MTRR: variants seen among roughly 807,000 people sequenced by gnomAD.
MTRR encodes methionine synthase reductase.
MTRR carries 63 observed loss-of-function variants against 79.2 expected under a neutral mutation model. The ratio of observed to expected loss-of-function variants is 0.80; its 90% CI spans 0.65 to 0.98. The LOEUF (loss-of-function observed/expected upper bound fraction) is 0.98, where lower values mean the gene tolerates loss of function less well. MTRR is among the 50% of genes least tolerant of loss of function. The probability of loss-of-function intolerance (pLI) is 0.00; values close to 1 mark genes in which losing one functional copy is unlikely to be tolerated. For synonymous variants in MTRR, 355 were observed against 313.3 expected (o/e 1.13, Z -1.41); for missense variants, 895 against 839.6 (o/e 1.07, Z -0.82).
chr5:7,887,958 T>G (rs375482658), intron 8 of MTRR, among the ~76,000 whole-genome samples: 3 of 151,770 alleles, frequency 2.0e-5, no homozygotes, highest in South Asian at 4.2e-4. Context: ...GAGGAAAATA[T>G]GGGTATCCAT....
rs1054673968 is a variant in MTRR at position 7,878,392 on chromosome 5, T to C, written c.780+70T>C. On this transcript the variant is annotated intron_variant, in intron 5 of 14. Coordinates refer to ENST00000440940, the MANE Select transcript of MTRR (RefSeq NM_002454.3). ...ATGTTTGCTTTGGGCTTTTAAATTA[T>C]TATTACATTAGAAGAGAGGTCAACA... The C allele has an allele frequency of 1.1e-5, 18 of 1,579,180 alleles. No homozygotes were observed. In the African/African-American group the frequency reaches 2.2e-4, roughly 19 times the overall value.
In MTRR at chr5:7,873,441, C is replaced by T. The variant is rs776410065; in HGVS notation, c.198C>T (p.Pro66=). ...CTACCACGGGCACCGGAGACCCACC[C>T]GACACAGCCCGCAAGTTTGTTAAGG... ...VVSTTGTGDP[P]DTARKFVKEI... is the part of the protein sequence containing the mutation. The change falls in exon 3 of 15, where the codon CCC becomes CCT. Residue 66 remains proline (P), a synonymous_variant. Transcript: ENST00000440940. The T allele has an allele frequency of 2.5e-5, 41 of 1,614,008 alleles. No individual in the cohort carries two copies. The African/African-American group carries it at 2.8e-4, about 11-fold the overall frequency.
At chr5:7,857,396 C>T (rs1278068581) in intron 1 of MTRR, among the ~76,000 whole-genome samples, 2 of 152,082 alleles carry the variant, frequency 1.3e-5, no homozygotes, top group Non-Finnish European at 2.9e-5. Context: ...ACACCAGCAA[C>T]CTTATATCTC....
intron 1 of MTRR, chr5:7,861,175 G>A (rs1229403169): frequency 5.0e-6 from 8 of 1,610,616 alleles, no homozygotes; most frequent in Middle Eastern, 1.6e-4. Flanking sequence ...CCGAGTAACT[G>A]TAGGTGTCTT....
chr5:7,855,418 T>TG (rs573889527), intron 1 of MTRR, among the ~76,000 whole-genome samples: 549 of 7,706 alleles, frequency 0.071, 5 homozygotes, highest in African/African-American at 0.16. Flanking sequence ...AACATTCCAG[T>TG]GGAAAAAAAA....
rs1417372870 is a variant in MTRR, at chr5:7,885,752, A to C, written c.955A>C (p.Asn319His). ...PGDAFSVICPNSDSEVQSLLQ... is the reference protein window; with the variant it reads ...PGDAFSVICPHSDSEVQSLLQ... The stretch of plus-strand genomic sequence containing the variant: ...AGATGCCTTCAGCGTGATCTGCCCT[A>C]ACAGTGATTCTGAGGTACAAAGCCT... Residue 319 changes from asparagine (N) to histidine (H), a missense_variant, in exon 7 of 15, where the codon AAC (asparagine) becomes CAC (histidine). Transcript: ENST00000440940. The C allele has an allele frequency of 1.1e-5, 17 of 1,613,414 alleles. No individual in the cohort carries two copies. Among genetic ancestry groups the C allele is most frequent in the Non-Finnish European group, 1.4e-5 (16 of 1,179,978 alleles).
At chr5:7,851,092 G>T, upstream of MTRR, 1 of 1,230,650 alleles carries the variant, frequency 8.1e-7, no homozygotes, top group Non-Finnish European at 1.0e-6. Flanking sequence ...GTCGGAGTCT[G>T]CAGGCCTCAG....
chr5:7,881,479 C>T (rs1735588419), intron 5 of MTRR, among the ~76,000 whole-genome samples: 1 of 152,060 alleles, frequency 6.6e-6, no homozygotes, highest in South Asian at 2.1e-4. Flanking sequence ...GCCACATCTG[C>T]AGGCTCAAAG....
At chr5:7,889,399 T>C in intron 9 of MTRR, 124 bp downstream of exon 9, 1 of 993,272 alleles carries the variant, frequency 1.0e-6, no homozygotes. Flanking sequence ...CTAAAGAATA[T>C]ATCTAAATGA....
At chr5:7,868,797 G>A (rs937965184), upstream of MTRR, among the ~76,000 whole-genome samples, 1 of 152,248 alleles carries the variant, frequency 6.6e-6, no homozygotes, top group Non-Finnish European at 1.5e-5. Flanking sequence ...CAGACAGACG[G>A]GAGGCCCCGC....
In MTRR at chr5:7,899,989, A is replaced by C; in HGVS notation, c.2028A>C (p.Lys676Asn). 1.2e-6 allele frequency: 2 copies of C among 1,614,150 alleles called. No individual in the cohort carries two copies. The highest frequency in any genetic ancestry group is 1.7e-6 in the Non-Finnish European group (2 of 1,180,040). The change falls in exon 15 of 15, where the codon AAA (lysine) becomes AAC (asparagine). Residue 676 changes from lysine (K) to asparagine (N), a missense_variant. Coordinates refer to ENST00000440940, the MANE Select transcript of MTRR (RefSeq NM_002454.3). ...TAAGCAAAGAGGTTGGAGTTGAAAAACTAGAAGCAATGAAAACCCTGGCCA... is the reference window on the plus strand; with the variant it reads ...TAAGCAAAGAGGTTGGAGTTGAAAACCTAGAAGCAATGAAAACCCTGGCCA... ...QIISKEVGVE[K>N]LEAMKTLATL...
At chr5:7,853,069 C>T (rs112112268) in intron 1 of MTRR, among the ~76,000 whole-genome samples, 2 of 152,144 alleles carry the variant, frequency 1.3e-5, no homozygotes, top group Non-Finnish European at 2.9e-5. Context: ...ACATCTTTTT[C>T]TTCTTGGATG....
At chr5:7,885,256 A>G (rs1168524316) in intron 6 of MTRR, 1 of 189,144 alleles carries the variant, frequency 5.3e-6, no homozygotes, top group Non-Finnish European at 1.1e-5. Context: ...GGAAAAGAGT[A>G]AAGTAAGGAG....
chr5:7,892,454 T>C (rs1400603222), intron 10 of MTRR, among the ~76,000 whole-genome samples: 3 of 152,216 alleles, frequency 2.0e-5, no homozygotes, highest in Non-Finnish European at 4.4e-5. Flanking sequence ...TACATGAAGA[T>C]CCTTAGGGCA....
chr5:7,863,304 A>T, intron 2 of MTRR: 1 of 308,516 alleles, frequency 3.2e-6, no homozygotes, highest in Non-Finnish European at 6.0e-6. Flanking sequence ...AAACATAATA[A>T]TGCTAACAGT....
At chr5:7,887,794 ATAT>A in intron 8 of MTRR, among the ~76,000 whole-genome samples, 1 of 9,266 alleles carries the variant, frequency 1.1e-4, no homozygotes, top group Non-Finnish European at 2.5e-4. Flanking sequence ...GTGTGTGTGC[ATAT>A]ATATATATAT....
At chr5:7,873,248 C>CA (rs966879124) in intron 2 of MTRR, 125 bp from the exon 3 acceptor site, 25 of 1,272,586 alleles carry the variant, frequency 2.0e-5, no homozygotes, top group Middle Eastern at 2.6e-4. Flanking sequence ...CTGGTCGTCT[C>CA]AAAAAAACTG....
At chr5:7,854,093 T>G (rs2126573944) in intron 1 of MTRR, among the ~76,000 whole-genome samples, 1 of 152,208 alleles carries the variant, frequency 6.6e-6, no homozygotes, top group South Asian at 2.1e-4. Flanking sequence ...TCCTATATGA[T>G]CTTATTATAT....
chr5:7,850,974 C>A (rs1221472518), upstream of MTRR: 2 of 1,314,742 alleles, frequency 1.5e-6, no homozygotes, highest in Non-Finnish European at 1.9e-6. Context: ...GCGGCCTGGG[C>A]TTGCCCCGCA....
Sources: gnomAD v4.1 joint callset for allele counts (sites outside exome capture counted in the v4.1 genomes callset) on GRCh38, gnomAD v4.1.1 for gene constraint, MANE v1.5 for transcripts, NCBI Gene and HGNC (gene_info 2026-07-23, HGNC 2026-07-21) for gene names.